Variants in NRXN1 observed in about 807,000 individuals in gnomAD.
The protein encoded by NRXN1 is neurexin-1.
A neutral mutation model predicts 150.9 loss-of-function variants in NRXN1; 39 were observed. The ratio of observed to expected loss-of-function variants is 0.26; its 90% CI spans 0.20 to 0.34. The LOEUF (loss-of-function observed/expected upper bound fraction) is 0.34. Ranked by LOEUF, NRXN1 falls within the 10% of genes least tolerant of loss-of-function variation. The pLI, the probability that NRXN1 is intolerant of heterozygous loss-of-function variation, is 1.00. For synonymous variants in NRXN1, 924 were observed against 757.0 expected, an observed-to-expected ratio of 1.22 and a Z score of -3.62; for missense variants, 1,815 against 1,949.9, an observed-to-expected ratio of 0.93 and a Z score of 1.30.
At chr2:50,539,377 A>G (rs1426367857) in intron 9 of NRXN1, among the ~76,000 whole-genome samples, 1 of 152,226 alleles carries the variant, frequency 6.6e-6, no homozygotes, top group Non-Finnish European at 1.5e-5. Flanking sequence ...TAAATTAACA[A>G]GGCTTTCTTT....
intron 17 of NRXN1, among the ~76,000 whole-genome samples, chr2:50,264,326 T>C (rs1197112446): frequency 6.6e-6 from 1 of 152,080 alleles, no homozygotes; most frequent in African/African-American, 2.4e-5. Flanking sequence ...GAACAGTCGC[T>C]AGGTCTCTGG....
chr2:50,418,848 CT>C (rs1456703917), intron 17 of NRXN1, among the ~76,000 whole-genome samples: 1 of 151,834 alleles, frequency 6.6e-6, no homozygotes, highest in African/African-American at 2.4e-5. Context: ...CATTAATCTA[CT>C]CTGAGTATGT....
intron 21 of NRXN1, among the ~76,000 whole-genome samples, chr2:49,990,564 T>A (rs905644655): frequency 6.6e-5 from 10 of 152,166 alleles, no homozygotes; most frequent in Non-Finnish European, 1.0e-4. Flanking sequence ...GAGATAATAG[T>A]GGCTTGCCAC....
At chr2:50,258,303 T>C (rs1309771117) in intron 17 of NRXN1, among the ~76,000 whole-genome samples, 1 of 152,102 alleles carries the variant, frequency 6.6e-6, no homozygotes, top group Non-Finnish European at 1.5e-5. Flanking sequence ...TTCAACTAAG[T>C]TTATGTAATA....
At chr2:50,954,141 C>T (rs544413415) in intron 2 of NRXN1, among the ~76,000 whole-genome samples, 2 of 152,220 alleles carry the variant, frequency 1.3e-5, no homozygotes, top group African/African-American at 4.8e-5. Context: ...AGAAATAATA[C>T]ATATCACATA....
At chr2:50,012,308 C>G (rs576938206) in intron 21 of NRXN1, among the ~76,000 whole-genome samples, 124 of 152,234 alleles carry the variant, frequency 8.1e-4, no homozygotes, top group African/African-American at 2.9e-3. Context: ...ACTGCATTTA[C>G]AACTTGTATG....
At chr2:50,536,037 ACT>A (rs1321381681) in intron 10 of NRXN1, among the ~76,000 whole-genome samples, 1 of 152,132 alleles carries the variant, frequency 6.6e-6, no homozygotes, top group African/African-American at 2.4e-5. Context: ...TGGAGAAGAA[ACT>A]CTGTCAAAGC....
intron 2 of NRXN1, among the ~76,000 whole-genome samples, chr2:50,973,400 T>C (rs1695323460): frequency 6.6e-6 from 1 of 152,126 alleles, no homozygotes; most frequent in African/African-American, 2.4e-5. Context: ...AATTACGGTA[T>C]CTATATATGG....
Position 50,061,415 on chromosome 2 carries a change from T to G in NRXN1, c.3719-6371A>C, listed in dbSNP as rs1004601304. On this transcript the variant is annotated intron_variant, in intron 19 of 22. Transcript: ENST00000401669. ...ATACAGCATTTGTGAATGGTCAGTG[T>G]AAGCAGGCTTAAGCTGGTAGGTGAG... Among the ~76,000 whole-genome samples, 4 of 152,218 alleles carry G rather than the reference T, an allele frequency of 2.6e-5. No individual in the cohort carries two copies. In the South Asian group the frequency reaches 8.3e-4, roughly 32 times the overall value.
At chr2:50,610,484 T>C (rs983756091) in intron 8 of NRXN1, among the ~76,000 whole-genome samples, 22 of 150,936 alleles carry the variant, frequency 1.5e-4, no homozygotes, top group African/African-American at 4.6e-4. Context: ...GCTTCCATTG[T>C]ATTATTAGAG....
In NRXN1 at chr2:50,346,520, C is replaced by A. The variant is rs1478896893; in HGVS notation, c.3365-109550G>T. ...CAACACCCGCGACGCCTTCCCCCAT[C>A]CCCTTTCTATTGTCTTCAAAGAGAT... On this transcript the variant is annotated intron_variant, in intron 17 of 22. Coordinates refer to ENST00000401669, the MANE Select transcript of NRXN1 (RefSeq NM_001330078.2). This position sits in a 1 kb window ranked among gnomAD's most constrained non-coding sequence, Gnocchi z 5.0. 6.6e-6 allele frequency among the ~76,000 whole-genome samples: 1 copy of A among 152,002 alleles called. No individual in the cohort carries two copies.
At chr2:50,006,831 C>T (rs928117956) in intron 21 of NRXN1, among the ~76,000 whole-genome samples, 4 of 152,116 alleles carry the variant, frequency 2.6e-5, no homozygotes, top group African/African-American at 9.7e-5. Flanking sequence ...TTGTTTACTT[C>T]TCTTCCTGGG....
chr2:50,756,016 T>C (rs1045515275), intron 5 of NRXN1, among the ~76,000 whole-genome samples: 2 of 151,818 alleles, frequency 1.3e-5, no homozygotes, highest in African/African-American at 4.8e-5. Context: ...AGGAGTAGGA[T>C]GGCCAAGAAC....
At chr2:49,992,727 T>C (rs767119422) in intron 21 of NRXN1, among the ~76,000 whole-genome samples, 1 of 151,624 alleles carries the variant, frequency 6.6e-6, no homozygotes, top group Non-Finnish European at 1.5e-5. Flanking sequence ...AACTCAACAA[T>C]GATAAAACAA....
At chr2:50,105,680 TTTAG>T (rs1483076899) in intron 18 of NRXN1, among the ~76,000 whole-genome samples, 1 of 152,004 alleles carries the variant, frequency 6.6e-6, no homozygotes, top group Non-Finnish European at 1.5e-5. Context: ...AAATGAGAGA[TTTAG>T]TTGTAGTTTC....
Position 50,497,620 on chromosome 2 carries a change from GT to G in NRXN1, c.2591del (p.Asn864ThrfsTer9). The G allele has an allele frequency of 6.2e-7, 1 of 1,613,922 alleles. No homozygotes were observed. Among genetic ancestry groups the G allele is most frequent in the Non-Finnish European group, 8.5e-7 (1 of 1,179,850 alleles). On this transcript the variant is annotated frameshift_variant, in exon 14 of 23. Coordinates refer to ENST00000401669, the MANE Select transcript of NRXN1 (RefSeq NM_001330078.2). LOFTEE classifies it high-confidence loss of function. ...TCAAGCTCTGCAGGTGTCCAATGAAGTTGGAGGGGACAGAAGAAAGATACCG... is the reference window on the plus strand; with the variant it reads ...TCAAGCTCTGCAGGTGTCCAATGAAGTGGAGGGGACAGAAGAAAGATACCG... The part of the protein sequence containing the change: ...ERRYLSSVPS[N>X]FIGHLQSLTF...
rs570610489 is a variant in NRXN1, at chr2:50,822,427, A to C, written c.832+99442T>G. Among the ~76,000 whole-genome samples the C allele has an allele frequency of 7.9e-5, 12 of 152,250 alleles. 1 individual carries two copies. The South Asian group carries it at 1.9e-3, about 24-fold the overall frequency. On this transcript the variant is annotated intron_variant, in intron 5 of 22. Coordinates refer to ENST00000401669, the MANE Select transcript of NRXN1 (RefSeq NM_001330078.2). ...AAGTGATTGAACAACAAATAAGGAA[A>C]GTCTTAAAAATAAATATTTTTCTGC...
At chr2:50,412,339 AAAAT>A (rs1236955335) in intron 17 of NRXN1, among the ~76,000 whole-genome samples, 1 of 151,692 alleles carries the variant, frequency 6.6e-6, no homozygotes, top group Non-Finnish European at 1.5e-5. Flanking sequence ...AAAAATAAAA[AAAAT>A]AATAAATAAT....
At chr2:50,352,776 T>C (rs1172951735) in intron 17 of NRXN1, among the ~76,000 whole-genome samples, 1 of 84,028 alleles carries the variant, frequency 1.2e-5, no homozygotes, top group Non-Finnish European at 2.4e-5. Context: ...ATAATAATAA[T>C]ATTATAATAA....
Sources: allele counts gnomAD v4.1 joint callset (sites outside exome capture counted in the v4.1 genomes callset), GRCh38; gene constraint gnomAD v4.1.1; non-coding constraint Gnocchi (gnomAD v3.1); transcripts MANE v1.5; gene names NCBI Gene and HGNC (gene_info 2026-07-23, HGNC 2026-07-21).